PRR36: variants seen among roughly 807,000 people sequenced by gnomAD.
PRR36 encodes proline rich 36.
PRR36 carries 30 observed loss-of-function variants against 58.6 expected under a neutral mutation model. That is an observed-to-expected ratio of 0.51 (90% CI 0.38 to 0.69). The LOEUF is 0.69. Ranked by LOEUF, PRR36 falls within the 30% of genes least tolerant of loss-of-function variation. The pLI, the probability that PRR36 is intolerant of heterozygous loss-of-function variation, is 0.00. For synonymous variants in PRR36, 771 were observed against 829.3 expected (o/e 0.93, Z 1.21); for missense variants, 1,692 against 1,805.6 (o/e 0.94, Z 1.14).
Position 7,868,893 on chromosome 19 carries a change from G to A in PRR36, c.*140C>T. The A allele has an allele frequency of 9.6e-7, 1 of 1,044,274 alleles. No individual in the cohort carries two copies. The highest frequency in any genetic ancestry group is 1.3e-6 in the Non-Finnish European group (1 of 760,464). 64.7% of individuals were successfully genotyped at this position (1,044,274 alleles called of 1,614,324 possible). A position where few individuals can be genotyped will look rare whatever the true frequency, so the allele number is the denominator to read the frequency against. The stretch of plus-strand genomic sequence containing the variant: ...AGGTCCCGAGCCTCCGAGGCCAAAG[G>A]CTCAGGCTCTAGGGAGCTAAGACTA... On this transcript the variant is annotated 3_prime_UTR_variant, in exon 6 of 6. Transcript: ENST00000618550.
chr19:7,874,074 C>T lies in PRR36; in HGVS notation c.-8+212G>A, dbSNP rs1416767456. On this transcript the variant is annotated intron_variant, in intron 1 of 5. Transcript: ENST00000618550. The surrounding 1 kb of genome is among the most constrained non-coding windows in gnomAD (Gnocchi z 6.0). ...CACGGGCTCAGGATGTCGCATCCCT[C>T]CAGACCCGGAGCGCACGCCCGGGTC... Among the ~76,000 whole-genome samples the T allele has an allele frequency of 6.6e-6, 1 of 152,204 alleles. No homozygotes were observed. The highest frequency in any genetic ancestry group is 1.9e-4 in the East Asian group (1 of 5,192).
At position 7,873,696 on chromosome 19, in the gene PRR36, C is replaced by T. The variant is rs1181758308; in HGVS notation, c.-7G>A. On this transcript the variant is annotated splice_region_variant and 5_prime_UTR_variant, in exon 2 of 6. In the 5' UTR this introduces an upstream ATG that the reference lacks. Transcript: ENST00000618550. The surrounding 1 kb of genome is among the most constrained non-coding windows in gnomAD (Gnocchi z 5.0). ...TGTCTCTCTTGTTGTCCATCTTGCA[C>T]CTGAAGAGACAAACCGGTCCGCATC... 8 of 1,534,072 alleles carry T rather than the reference C, an allele frequency of 5.2e-6. No individual in the cohort carries two copies. Among genetic ancestry groups the T allele is most frequent in the Non-Finnish European group, 7.0e-6 (8 of 1,146,084 alleles).
chr19:7,873,534 T>C lies in PRR36; in HGVS notation c.156A>G (p.Ala52=), dbSNP rs1980566222. The C allele has an allele frequency of 6.5e-7, 1 of 1,535,286 alleles. No individual in the cohort carries two copies. The highest frequency in any genetic ancestry group is 2.4e-5 in the East Asian group (1 of 40,888). ...AALRVLGAAG[A]VGRKPLAERA... ...GCTCTGCCAGAGGCTTTCGCCCCACTGCTCCCGCAGCTCCCAGAACTCGGA... is the reference window on the plus strand; with the variant it reads ...GCTCTGCCAGAGGCTTTCGCCCCACCGCTCCCGCAGCTCCCAGAACTCGGA... Residue 52 remains alanine, a synonymous_variant, in exon 2 of 6, where the codon GCA becomes GCG. Coordinates refer to ENST00000618550, the MANE Select transcript of PRR36 (RefSeq NM_001190467.2). This position sits in a 1 kb window ranked among gnomAD's most constrained non-coding sequence, Gnocchi z 5.0.
chr19:7,869,685 C>T, intron 5 of PRR36, 30 bp downstream of exon 5: 1 of 1,376,058 alleles, frequency 7.3e-7, no homozygotes, highest in South Asian at 1.6e-5. Flanking sequence ...ACCCCGCCCA[C>T]AGCCAGGCCG....
In PRR36 at chr19:7,870,392, G is replaced by C; in HGVS notation, c.2852C>G (p.Pro951Arg). The part of the protein sequence containing the change: ...SATPPPQAPP[P>R]LAAPPLQVPP... ...GACCTGCAGAGGAGGCGCAGCGAGA[G>C]GGGGTGGGGCCTGTGGAGGGGGCGT... The change falls in exon 5 of 6, where the codon CCT (proline) becomes CGT (arginine). Residue 951 changes from proline to arginine, a missense_variant. Physicochemically the swap from Pro to Arg is moderately radical, Grantham distance 103 (BLOSUM62 -2). Transcript: ENST00000618550. 1 of 639,280 alleles carries C rather than the reference G, an allele frequency of 1.6e-6. No homozygotes were observed. Among genetic ancestry groups the C allele is most frequent in the Non-Finnish European group, 2.1e-6 (1 of 486,838 alleles). The allele number at this position is 639,280 out of a possible 1,614,324, so 39.6% of individuals were successfully genotyped here. A position where few individuals can be genotyped will look rare whatever the true frequency, so the allele number is the denominator to read the frequency against.
In PRR36 at chr19:7,872,355, C is replaced by G. The variant is rs2145071170; in HGVS notation, c.889G>C (p.Gly297Arg). 6.9e-7 allele frequency: 1 copy of G among 1,451,446 alleles called. No homozygotes were observed. The highest frequency in any genetic ancestry group is 9.0e-7 in the Non-Finnish European group (1 of 1,107,972). The allele number at this position is 1,451,446 out of a possible 1,614,324, so 89.9% of individuals were successfully genotyped here. The part of the protein sequence containing the change: ...PPRKDAAPAL[G>R]PLSSSPLATP... Reference sequence around the variant, plus strand: ...GCCAAAGGAGAGGAAGAAAGCGGTCCTAGTGCTGGGGCTGCGTCCTTCCTT... The same window carrying G: ...GCCAAAGGAGAGGAAGAAAGCGGTCGTAGTGCTGGGGCTGCGTCCTTCCTT... Residue 297 changes from glycine (G) to arginine (R), a missense_variant, in exon 5 of 6, where the codon GGA (glycine) becomes CGA (arginine). Transcript: ENST00000618550. The surrounding 1 kb of genome is among the most constrained non-coding windows in gnomAD (Gnocchi z 6.1).
chr19:7,870,658 G>T lies in PRR36; in HGVS notation c.2586C>A (p.Pro862=). Residue 862 remains proline, a synonymous_variant, in exon 5 of 6, where the codon CCC becomes CCA. Transcript: ENST00000618550. ...LQAPPSPPAS[P]PLSPLATPSP... ...AGGGTGTGGCCAAAGGAGACAGAGG[G>T]GGTGAGGCAGGGGGAGAGGGAGGGG... The T allele has an allele frequency of 2.9e-6, 4 of 1,372,784 alleles. No homozygotes were observed. Among genetic ancestry groups the T allele is most frequent in the South Asian group, 1.7e-5 (1 of 59,896 alleles). The allele number at this position is 1,372,784 out of a possible 1,614,324, so 85.0% of individuals were successfully genotyped here.
Position 7,871,541 on chromosome 19 carries a change from G to A in PRR36, c.1703C>T (p.Pro568Leu). Residue 568 changes from proline (P) to leucine (L), a missense_variant, in exon 5 of 6, where the codon CCA (proline) becomes CTA (leucine). Physicochemically the swap from Pro to Leu is moderately conservative, Grantham distance 98. Around this residue, in one of 5 missense-constraint regions of PRR36, gnomAD observed 975 missense variants for 955.2 expected, o/e 1.02. Coordinates refer to ENST00000618550, the MANE Select transcript of PRR36 (RefSeq NM_001190467.2). The stretch of plus-strand genomic sequence containing the variant: ...CATAGGGGGCGTAGTCATAGAAGGT[G>A]GGGCCTGTGGGTGGGGCGGAGCCTG... ...PLQAPPHPQAPPSMTTPPMQA... is the reference protein window; with the variant it reads ...PLQAPPHPQALPSMTTPPMQA... 6.5e-7 allele frequency: 1 copy of A among 1,535,724 alleles called. No individual in the cohort carries two copies. The highest frequency in any genetic ancestry group is 8.7e-7 in the Non-Finnish European group (1 of 1,146,820).
Position 7,871,711 on chromosome 19 carries a change from C to T in PRR36, c.1533G>A (p.Thr511=), listed in dbSNP as rs868025213. ...GAGGAAGAGTGGCCAGAGTGTGGGG[C>T]GTGGCCTGGAGAGAGGGCGGAGACG... ...PSPSPPSLQA[T]PHTLATLPLQ... The change falls in exon 5 of 6, where the codon ACG becomes ACA. Residue 511 remains threonine, a synonymous_variant. Coordinates refer to ENST00000618550, the MANE Select transcript of PRR36 (RefSeq NM_001190467.2). The T allele has an allele frequency of 4.1e-5, 63 of 1,534,342 alleles. 1 individual carries two copies. In the Middle Eastern group the frequency reaches 6.7e-4, roughly 16 times the overall value.
chr19:7,868,762 C>T lies in PRR36; in HGVS notation c.*271G>A. 2 of 385,498 alleles carry T rather than the reference C, an allele frequency of 5.2e-6. No homozygotes were observed. Among genetic ancestry groups the T allele is most frequent in the East Asian group, 4.0e-5 (1 of 25,228 alleles). 23.9% of individuals were successfully genotyped at this position (385,498 alleles called of 1,614,324 possible). On this transcript the variant is annotated 3_prime_UTR_variant, in exon 6 of 6. Coordinates refer to ENST00000618550, the MANE Select transcript of PRR36 (RefSeq NM_001190467.2). ...AGTTTTATTGCAAACTCAGGCTGTG[C>T]GGGGTGGGCAATACACTGCACACGG...
chr19:7,869,213 AC>A lies in PRR36; in HGVS notation c.3860del (p.Gly1287ValfsTer75). ...SGGGPGGAEG[G>X]GVTGGARAAL... ...CAGCCCGGGCGCCCCCTGTGACGCC[AC>A]CACCCTCCGCACCTCCTGGGCCCCC... On this transcript the variant is annotated frameshift_variant, in exon 6 of 6. Coordinates refer to ENST00000618550, the MANE Select transcript of PRR36 (RefSeq NM_001190467.2). LOFTEE classifies it high-confidence loss of function. 1 of 1,526,672 alleles carries A rather than the reference AC, an allele frequency of 6.6e-7. No homozygotes were observed. The highest frequency in any genetic ancestry group is 8.7e-7 in the Non-Finnish European group (1 of 1,143,632). 94.6% of individuals were successfully genotyped at this position (1,526,672 alleles called of 1,614,324 possible).
At position 7,869,208 on chromosome 19, in the gene PRR36, A is replaced by C. The variant is rs1568250446; in HGVS notation, c.3866T>G (p.Val1289Gly). Residue 1289 changes from valine (V) to glycine (G), a missense_variant, in exon 6 of 6, where the codon GTC becomes GGC. By Grantham distance (109) the Val-to-Gly change is moderately radical. Coordinates refer to ENST00000618550, the MANE Select transcript of PRR36 (RefSeq NM_001190467.2). ...GAGTGCAGCCCGGGCGCCCCCTGTG[A>C]CGCCACCACCCTCCGCACCTCCTGG... ...GGPGGAEGGG[V>G]TGGARAALSD... 2.6e-6 allele frequency: 4 copies of C among 1,529,412 alleles called. No homozygotes were observed. The highest frequency in any genetic ancestry group is 3.5e-6 in the Non-Finnish European group (4 of 1,144,654). 94.7% of individuals were successfully genotyped at this position (1,529,412 alleles called of 1,614,324 possible). A position where few individuals can be genotyped will look rare whatever the true frequency, so the allele number is the denominator to read the frequency against.
Position 7,870,773 on chromosome 19 carries a change from G to T in PRR36, c.2471C>A (p.Pro824His). The change falls in exon 5 of 6, where the codon CCT becomes CAT. Residue 824 changes from proline to histidine, a missense_variant. This residue lies in a region of PRR36 where 171 missense variants were observed against 146.2 expected (regional missense o/e 1.17). Coordinates refer to ENST00000618550, the MANE Select transcript of PRR36 (RefSeq NM_001190467.2). ...PQAPPALASP[P>H]LQGLPSPPLS... ...AGGGGGAGAGGGCAGGCCCTGCAAA[G>T]GGGGTGAGGCCAGAGCAGGTGGGGC... is the stretch of plus-strand genomic sequence containing the variant. The T allele has an allele frequency of 7.0e-7, 1 of 1,420,812 alleles. No homozygotes were observed. Among genetic ancestry groups the T allele is most frequent in the Non-Finnish European group, 9.2e-7 (1 of 1,091,344 alleles). 88.0% of individuals were successfully genotyped at this position (1,420,812 alleles called of 1,614,324 possible).
Position 7,872,150 on chromosome 19 carries a change from T to G in PRR36, c.1094A>C (p.Gln365Pro), listed in dbSNP as rs1251556500. Reference sequence around the variant, plus strand: ...GGCTAGAGGAAGGGGCGTGGCCAACTGACAGGTAAGGCTCGACGAGTGGGG... The same window carrying G: ...GGCTAGAGGAAGGGGCGTGGCCAACGGACAGGTAAGGCTCGACGAGTGGGG... ...ATPHSSSLTC[Q>P]LATPLPLAPP... Residue 365 changes from glutamine (Q) to proline (P), a missense_variant, in exon 5 of 6, where the codon CAG becomes CCG. By Grantham distance (76) the Gln-to-Pro change is moderately conservative. Transcript: ENST00000618550. This position sits in a 1 kb window ranked among gnomAD's most constrained non-coding sequence, Gnocchi z 6.1. The G allele has an allele frequency of 6.8e-7, 1 of 1,476,174 alleles. No homozygotes were observed. The highest frequency in any genetic ancestry group is 1.4e-5 in the African/African-American group (1 of 69,198). 91.4% of individuals were successfully genotyped at this position (1,476,174 alleles called of 1,614,324 possible).
chr19:7,869,839 GC>G lies in PRR36; in HGVS notation c.3404del (p.Gly1135AlafsTer127). 1.5e-6 allele frequency: 2 copies of G among 1,350,100 alleles called. No homozygotes were observed. The highest frequency in any genetic ancestry group is 1.9e-6 in the Non-Finnish European group (2 of 1,057,868). 83.6% of individuals were successfully genotyped at this position (1,350,100 alleles called of 1,614,324 possible). On this transcript the variant is annotated frameshift_variant, in exon 5 of 6. Transcript: ENST00000618550. LOFTEE classifies it high-confidence loss of function. ...SATSTPEELR[G>X]YDSGPEGGAA... ...CACCGCCCTCGGGCCCGCTGTCGTA[GC>G]CACGCAGCTCCTCTGGCGTGCTCGT... is the stretch of plus-strand genomic sequence containing the variant.
At position 7,873,339 on chromosome 19, in the gene PRR36, T is replaced by C; in HGVS notation, c.272-40A>G. 1.3e-6 allele frequency: 2 copies of C among 1,513,806 alleles called. No homozygotes were observed. Among genetic ancestry groups the C allele is most frequent in the Non-Finnish European group, 1.8e-6 (2 of 1,135,438 alleles). The allele number at this position is 1,513,806 out of a possible 1,614,324, so 93.8% of individuals were successfully genotyped here. A position where few individuals can be genotyped will look rare whatever the true frequency, so the allele number is the denominator to read the frequency against. Reference sequence around the variant, plus strand: ...CCGAGTCACAGGTGCCCCGGAGAGGTGGCAGTGGAGGTGAGACTGGACAGG... The same window carrying C: ...CCGAGTCACAGGTGCCCCGGAGAGGCGGCAGTGGAGGTGAGACTGGACAGG... On this transcript the variant is annotated intron_variant, in intron 2 of 5. Coordinates refer to ENST00000618550, the MANE Select transcript of PRR36 (RefSeq NM_001190467.2). This position sits in a 1 kb window ranked among gnomAD's most constrained non-coding sequence, Gnocchi z 5.0.
In PRR36 at chr19:7,869,839, G is replaced by A. The variant is rs919644724; in HGVS notation, c.3405C>T (p.Gly1135=). ...SATSTPEELR[G]YDSGPEGGAA... is the part of the protein sequence containing the mutation. The stretch of plus-strand genomic sequence containing the variant: ...CACCGCCCTCGGGCCCGCTGTCGTA[G>A]CCACGCAGCTCCTCTGGCGTGCTCG... Residue 1135 remains glycine, a synonymous_variant, in exon 5 of 6, where the codon GGC becomes GGT. Transcript: ENST00000618550. 72 of 1,350,100 alleles carry A rather than the reference G, an allele frequency of 5.3e-5. No homozygotes were observed. In the African/African-American group the frequency reaches 1.0e-3, roughly 19 times the overall value. 83.6% of individuals were successfully genotyped at this position (1,350,100 alleles called of 1,614,324 possible).
rs979683263 is a variant in PRR36 at position 7,873,064 on chromosome 19, A to G, written c.375-103T>C. Reference sequence around the variant, plus strand: ...GGGCATGTGCCCTCTCTGAGGACCAATAATGGCTTTCACCCAATTTGTGCC... The same window carrying G: ...GGGCATGTGCCCTCTCTGAGGACCAGTAATGGCTTTCACCCAATTTGTGCC... On this transcript the variant is annotated intron_variant, in intron 3 of 5. Transcript: ENST00000618550. The surrounding 1 kb of genome is among the most constrained non-coding windows in gnomAD (Gnocchi z 5.0). The G allele has an allele frequency of 7.5e-7, 1 of 1,325,220 alleles. No individual in the cohort carries two copies. Among genetic ancestry groups the G allele is most frequent in the Non-Finnish European group, 1.0e-6 (1 of 961,646 alleles). 82.1% of individuals were successfully genotyped at this position (1,325,220 alleles called of 1,614,324 possible). A position where few individuals can be genotyped will look rare whatever the true frequency, so the allele number is the denominator to read the frequency against.
Position 7,869,057 on chromosome 19 carries a change from C to A in PRR36, c.4017G>T (p.Val1339=). The change falls in exon 6 of 6, where the codon GTG becomes GTT. Residue 1339 remains valine (V), a synonymous_variant. Transcript: ENST00000618550. ...DVASPQGDWT[V]VEVETFH ...CTCAGTGGAAGGTCTCCACCTCCAC[C>A]ACGGTCCAGTCACCCTGCGGGGAGG... 6.5e-7 allele frequency: 1 copy of A among 1,531,608 alleles called. No homozygotes were observed. The highest frequency in any genetic ancestry group is 8.7e-7 in the Non-Finnish European group (1 of 1,144,910). 94.9% of individuals were successfully genotyped at this position (1,531,608 alleles called of 1,614,324 possible).
Sources: gnomAD v4.1 joint callset for allele counts (sites outside exome capture counted in the v4.1 genomes callset) on GRCh38, gnomAD v4.1.1 for gene constraint, gnomAD v4.1.1 regional missense constraint, Gnocchi (gnomAD v3.1) non-coding constraint, MANE v1.5 for transcripts, NCBI Gene and HGNC (gene_info 2026-07-23, HGNC 2026-07-21) for gene names.